Variants in PLCE1 observed in about 807,000 individuals in gnomAD.
PLCE1 encodes phospholipase C epsilon 1, also known as 1-phosphatidylinositol 4,5-bisphosphate phosphodiesterase epsilon-1.
A neutral mutation model predicts 242.8 loss-of-function variants in PLCE1; 119 were observed. The observed-to-expected ratio is 0.49, with a 90% confidence interval of 0.42 to 0.57. The LOEUF (loss-of-function observed/expected upper bound fraction) is 0.57. PLCE1 is among the 20% of genes least tolerant of loss of function. The probability of loss-of-function intolerance (pLI) is 0.00; values close to 1 mark genes in which losing one functional copy is unlikely to be tolerated. For synonymous variants in PLCE1, 945 were observed against 1,017.4 expected, an observed-to-expected ratio of 0.93 and a Z score of 1.35; for missense variants, 2,441 against 2,788.8, an observed-to-expected ratio of 0.88 and a Z score of 2.81.
At chr10:94,007,299 A>G (rs1259940372) in intron 1 of PLCE1, among the ~76,000 whole-genome samples, 4 of 144,636 alleles carry the variant, frequency 2.8e-5, no homozygotes, top group African/African-American at 7.4e-5. Flanking sequence ...AGTCATCCAC[A>G]TAGAGGTGAT....
intron 2 of PLCE1, among the ~76,000 whole-genome samples, chr10:94,103,033 A>G (rs1031397426): frequency 6.6e-6 from 1 of 152,198 alleles, no homozygotes; most frequent in African/African-American, 2.4e-5. Context: ...AGCCAATATA[A>G]AAACTAACTA....
chr10:94,086,141 T>A (rs2044816854), intron 2 of PLCE1, among the ~76,000 whole-genome samples: 1 of 152,160 alleles, frequency 6.6e-6, no homozygotes, highest in Non-Finnish European at 1.5e-5. Flanking sequence ...TGTGGTTAAG[T>A]GCTGTGCTGG....
At chr10:94,142,855 C>T (rs946907101) in intron 3 of PLCE1, among the ~76,000 whole-genome samples, 9 of 152,284 alleles carry the variant, frequency 5.9e-5, no homozygotes, top group South Asian at 2.1e-4. Context: ...ACTCCTTTAG[C>T]GAGATTTTCC....
At chr10:94,018,444 C>G (rs2061319506) in intron 1 of PLCE1, among the ~76,000 whole-genome samples, 1 of 152,170 alleles carries the variant, frequency 6.6e-6, no homozygotes, top group Non-Finnish European at 1.5e-5. Context: ...CCTTCCATCC[C>G]AGCTCCAATA....
intron 3 of PLCE1, among the ~76,000 whole-genome samples, chr10:94,151,996 A>G (rs952836885): frequency 1.3e-5 from 2 of 152,168 alleles, no homozygotes; most frequent in African/African-American, 2.4e-5. Flanking sequence ...ACCTCTCACC[A>G]TATACAGAAA....
intron 2 of PLCE1, among the ~76,000 whole-genome samples, chr10:94,039,645 G>A (rs534643184): frequency 1.3e-5 from 2 of 152,204 alleles, no homozygotes; most frequent in South Asian, 2.1e-4. Flanking sequence ...CTTGGCCTCC[G>A]AAAATGGTGG....
chr10:94,247,114 G>GGAA (rs2050712530), intron 8 of PLCE1, among the ~76,000 whole-genome samples: 1 of 100,402 alleles, frequency 1.0e-5, no homozygotes, highest in Non-Finnish European at 2.0e-5. Context: ...TCTGTCTCAG[G>GGAA]AAAAAAAAAA....
rs147203345 is a variant in PLCE1, at chr10:94,292,376, G to A, written c.5036-1132G>A. On this transcript the variant is annotated intron_variant, in intron 22 of 32. Transcript: ENST00000371380. ...AAGGAAATGCTCATGGGAGCATTTC[G>A]GATTTTGGATTCTCAGACTGGGGAT... is the stretch of plus-strand genomic sequence containing the variant. Among the ~76,000 whole-genome samples, 332 of 152,178 alleles carry A rather than the reference G, an allele frequency of 2.2e-3. 13 individuals carry two copies. The East Asian group carries it at 0.052, about 24-fold the overall frequency.
intron 1 of PLCE1, among the ~76,000 whole-genome samples, chr10:93,999,649 T>G (rs936707058): frequency 6.6e-6 from 1 of 152,200 alleles, no homozygotes; most frequent in African/African-American, 2.4e-5. Context: ...CCCGAAGCCG[T>G]GGGAGCAGTT....
chr10:94,053,574 A>C (rs1252220103), intron 2 of PLCE1, among the ~76,000 whole-genome samples: 1 of 152,226 alleles, frequency 6.6e-6, no homozygotes, highest in African/African-American at 2.4e-5. Context: ...ATGCACCAGT[A>C]GACTCAGAAG....
chr10:94,053,208 T>A (rs12268744), intron 2 of PLCE1, among the ~76,000 whole-genome samples: 59,190 of 152,076 alleles, frequency 0.39, 14,250 homozygotes, highest in African/African-American at 0.69. Context: ...TCCCTAAGCC[T>A]CAGTTTTTCT....
intron 2 of PLCE1, among the ~76,000 whole-genome samples, chr10:94,079,197 A>C (rs1359319435): frequency 1.3e-5 from 2 of 152,208 alleles, no homozygotes; most frequent in African/African-American, 4.8e-5. Flanking sequence ...GGAAAATGTC[A>C]CTTGAGTCAA....
At chr10:94,194,535 T>C (rs924472737) in intron 4 of PLCE1, among the ~76,000 whole-genome samples, 7 of 152,204 alleles carry the variant, frequency 4.6e-5, no homozygotes, top group African/African-American at 1.4e-4. Flanking sequence ...AGGCAAAGAC[T>C]CTGCACAATT....
chr10:94,332,058 C>T lies in PLCE1; in HGVS notation c.*4115C>T, dbSNP rs915087283. On this transcript the variant is annotated 3_prime_UTR_variant, in exon 33 of 33. Transcript: ENST00000371380. ...TAATTTTTTTTATTTTCAGTAGAGA[C>T]GGGGGTTTCACTATGTTGGTAAGGC... is the stretch of plus-strand genomic sequence containing the variant. The T allele has an allele frequency of 1.3e-5, 2 of 151,740 alleles. No homozygotes were observed. The highest frequency in any genetic ancestry group is 2.1e-4 in the South Asian group (1 of 4,812). 9.4% of individuals were successfully genotyped at this position (151,740 alleles called of 1,614,324 possible).
At chr10:94,030,591 T>C (rs992873244) in intron 1 of PLCE1, among the ~76,000 whole-genome samples, 92 bp from the exon 2 acceptor site, 1 of 152,148 alleles carries the variant, frequency 6.6e-6, no homozygotes, top group Non-Finnish European at 1.5e-5. Flanking sequence ...AAACCTTTTT[T>C]CTCAAAATTG....
intron 2 of PLCE1, among the ~76,000 whole-genome samples, chr10:94,040,080 T>C (rs2061736315): frequency 6.6e-6 from 1 of 152,226 alleles, no homozygotes; most frequent in Non-Finnish European, 1.5e-5. Context: ...TCCTTCTCAA[T>C]ATTTCTCACA....
At chr10:94,000,651 A>C (rs573577485) in intron 1 of PLCE1, among the ~76,000 whole-genome samples, 8 of 152,206 alleles carry the variant, frequency 5.3e-5, no homozygotes, top group Non-Finnish European at 1.2e-4. Context: ...ATTTAGCCTC[A>C]TATCTTCATC....
At chr10:93,999,711 T>C (rs1015124540) in intron 1 of PLCE1, among the ~76,000 whole-genome samples, 2 of 151,874 alleles carry the variant, frequency 1.3e-5, no homozygotes, top group African/African-American at 4.8e-5. Context: ...GCCGCCTCGC[T>C]CACCACAGAC....
intron 2 of PLCE1, among the ~76,000 whole-genome samples, chr10:94,097,164 A>G (rs190300954): frequency 1.0e-3 from 159 of 152,288 alleles, no homozygotes; most frequent in African/African-American, 3.7e-3. Context: ...TGACCTATAA[A>G]TAGAGGTTTG....
Sources: allele counts gnomAD v4.1 joint callset (sites outside exome capture counted in the v4.1 genomes callset), GRCh38; gene constraint gnomAD v4.1.1; transcripts MANE v1.5; gene names NCBI Gene and HGNC (gene_info 2026-07-23, HGNC 2026-07-21).